The following PTGER2 variants were observed in gnomAD, a reference collection of about 807,000 sequenced individuals.
PTGER2 encodes the protein prostaglandin E receptor 2.
A neutral mutation model predicts 26.2 loss-of-function variants in PTGER2; 22 were observed. The ratio of observed to expected loss-of-function variants is 0.84; its 90% CI spans 0.60 to 1.20. The LOEUF (loss-of-function observed/expected upper bound fraction) is 1.20. Among genes scored for constraint, PTGER2 ranks in the 50% most tolerant of loss-of-function variants. The probability of loss-of-function intolerance (pLI) is 0.00; values close to 1 mark genes in which losing one functional copy is unlikely to be tolerated. For missense variants in PTGER2, 458 were observed against 475.2 expected (o/e 0.96, Z 0.34); for synonymous variants, 219 against 208.9 (o/e 1.05, Z -0.42).
At chr14:52,320,190 T>C (rs10151916) in intron 1 of PTGER2, among the ~76,000 whole-genome samples, 11,121 of 152,284 alleles carry the variant, frequency 0.073, 565 homozygotes, top group East Asian at 0.16. Flanking sequence ...TGGGGATCGA[T>C]GAGACAGTTT....
Position 52,315,210 on chromosome 14 carries a change from A to C in PTGER2, c.662A>C (p.Asn221Thr). 6.2e-7 allele frequency: 1 copy of C among 1,608,706 alleles called. No individual in the cohort carries two copies. The change falls in exon 1 of 2, where the codon AAC (asparagine) becomes ACC (threonine). Residue 221 changes from asparagine to threonine, a missense_variant. Coordinates refer to ENST00000245457, the MANE Select transcript of PTGER2 (RefSeq NM_000956.4). ...GCCTGCAACTTCAGTGTCATTCTCA[A>C]CCTCATCCGCATGCACCGCCGAAGC... is the stretch of plus-strand genomic sequence containing the variant. Reference protein sequence around the residue: ...VLACNFSVILNLIRMHRRSRR... With the variant: ...VLACNFSVILTLIRMHRRSRR...
At position 52,314,886 on chromosome 14, in the gene PTGER2, C is replaced by A; in HGVS notation, c.338C>A (p.Ala113Asp). The part of the protein sequence containing the change: ...APESRACTYF[A>D]FAMTFFSLAT... Reference sequence around the variant, plus strand: ...GAGAGCCGCGCGTGCACCTACTTCGCTTTCGCCATGACCTTCTTCAGCCTG... The same window carrying A: ...GAGAGCCGCGCGTGCACCTACTTCGATTTCGCCATGACCTTCTTCAGCCTG... The change falls in exon 1 of 2, where the codon GCT becomes GAT. Residue 113 changes from alanine (A) to aspartate (D), a missense_variant. Ala to Asp is a moderately radical substitution (Grantham distance 126, BLOSUM62 -2). Coordinates refer to ENST00000245457, the MANE Select transcript of PTGER2 (RefSeq NM_000956.4). The surrounding 1 kb of genome is among the most constrained non-coding windows in gnomAD (Gnocchi z 5.7). 1 of 1,613,046 alleles carries A rather than the reference C, an allele frequency of 6.2e-7. No individual in the cohort carries two copies.
chr14:52,327,500 AT>A lies in PTGER2; in HGVS notation c.*50del. The A allele has an allele frequency of 7.0e-7, 1 of 1,427,968 alleles. No homozygotes were observed. Among genetic ancestry groups the A allele is most frequent in the Non-Finnish European group, 9.7e-7 (1 of 1,036,166 alleles). The allele number at this position is 1,427,968 out of a possible 1,614,324, so 88.5% of individuals were successfully genotyped here. On this transcript the variant is annotated 3_prime_UTR_variant, in exon 2 of 2. Coordinates refer to ENST00000245457, the MANE Select transcript of PTGER2 (RefSeq NM_000956.4). Reference sequence around the variant, plus strand: ...TTAGTTATATAGCATCTGGAAGATCATTTTGAAATTGTTCCTTGGAGAAATG... The same window carrying A: ...TTAGTTATATAGCATCTGGAAGATCATTTGAAATTGTTCCTTGGAGAAATG...
chr14:52,321,758 A>G (rs1266178980), intron 1 of PTGER2, among the ~76,000 whole-genome samples: 1 of 152,242 alleles, frequency 6.6e-6, no homozygotes, highest in Admixed American at 6.5e-5. Context: ...TAAACAAAAT[A>G]TGCCTTATAA....
chr14:52,322,424 A>G (rs1254590), intron 1 of PTGER2, among the ~76,000 whole-genome samples: 117,590 of 152,026 alleles, frequency 0.77, 46,528 homozygotes, highest in Non-Finnish European at 0.87. Flanking sequence ...GAGTCCAACA[A>G]AGATCACAAG....
rs149240255 is a variant in PTGER2, at chr14:52,315,725, T to C, written c.843+334T>C. On this transcript the variant is annotated intron_variant, in intron 1 of 1. Transcript: ENST00000245457. ...GCTGTTGCCTATCTTGGCTTAGTAA[T>C]TGAGAAAGAGGCAGCCCCTTCCACC... is the stretch of plus-strand genomic sequence containing the variant. Among the ~76,000 whole-genome samples, 259 of 152,292 alleles carry C rather than the reference T, an allele frequency of 1.7e-3. 1 individual carries two copies. Among genetic ancestry groups the C allele is most frequent in the Middle Eastern group, 6.8e-3 (2 of 294 alleles).
chr14:52,323,410 G>A (rs140970434), intron 1 of PTGER2, among the ~76,000 whole-genome samples: 2,144 of 152,076 alleles, frequency 0.014, 48 homozygotes, highest in African/African-American at 0.049. Context: ...CCACCAACAC[G>A]CCTGGGTAAT....
At chr14:52,315,462 C>T in intron 1 of PTGER2, 71 bp downstream of exon 1, 3 of 1,564,240 alleles carry the variant, frequency 1.9e-6, no homozygotes, top group East Asian at 2.3e-5. Flanking sequence ...GACGCCTCCA[C>T]CCTTTCCACC....
At position 52,315,280 on chromosome 14, in the gene PTGER2, C is replaced by T. The variant is rs538203951; in HGVS notation, c.732C>T (p.Gly244=). The change falls in exon 1 of 2, where the codon GGC becomes GGT. Residue 244 remains glycine, a synonymous_variant. Coordinates refer to ENST00000245457, the MANE Select transcript of PTGER2 (RefSeq NM_000956.4). ...CGPSLGSGRG[G]PGARRRGERV... ...CTTCCCTGGGCAGTGGCCGGGGCGG[C>T]CCCGGGGCCCGCAGGAGAGGGGAAA... The T allele has an allele frequency of 1.2e-6, 2 of 1,612,502 alleles. No homozygotes were observed. The highest frequency in any genetic ancestry group is 1.3e-5 in the African/African-American group (1 of 74,752).
chr14:52,322,620 C>A (rs2033907633), intron 1 of PTGER2, among the ~76,000 whole-genome samples: 2 of 152,066 alleles, frequency 1.3e-5, no homozygotes, highest in South Asian at 4.1e-4. Flanking sequence ...CCCTAGTAAG[C>A]CTGAGGGTAC....
rs1444629167 is a variant in PTGER2 at position 52,314,841 on chromosome 14, C to T, written c.293C>T (p.Thr98Ile). 1.2e-6 allele frequency: 2 copies of T among 1,613,128 alleles called. No homozygotes were observed. The highest frequency in any genetic ancestry group is 1.7e-6 in the Non-Finnish European group (2 of 1,179,982). Residue 98 changes from threonine (T) to isoleucine (I), a missense_variant, in exon 1 of 2, where the codon ACC (threonine) becomes ATC (isoleucine). Transcript: ENST00000245457. This position sits in a 1 kb window ranked among gnomAD's most constrained non-coding sequence, Gnocchi z 5.7. ...VVLASYARNQ[T>I]LVALAPESRA... ...CTGGCTTCGTACGCGCGGAACCAGA[C>T]CCTGGTGGCACTGGCGCCCGAGAGC...
In PTGER2 at chr14:52,327,206, C is replaced by T; in HGVS notation, c.844-15C>T. 1 of 1,535,274 alleles carries T rather than the reference C, an allele frequency of 6.5e-7. No homozygotes were observed. Among genetic ancestry groups the T allele is most frequent in the Non-Finnish European group, 9.0e-7 (1 of 1,111,384 alleles). The stretch of plus-strand genomic sequence containing the variant: ...ATGTAAAACTAACATCATTTTTCCC[C>T]TTTGCTTCTTACAGATTTTTGCATA... On this transcript the variant is annotated splice_polypyrimidine_tract_variant and intron_variant, in intron 1 of 1. Coordinates refer to ENST00000245457, the MANE Select transcript of PTGER2 (RefSeq NM_000956.4).
At chr14:52,319,463 G>T (rs1229785584) in intron 1 of PTGER2, among the ~76,000 whole-genome samples, 1 of 152,134 alleles carries the variant, frequency 6.6e-6, no homozygotes, top group African/African-American at 2.4e-5. Flanking sequence ...CATTATTTTG[G>T]CTGCCCAGTA....
intron 1 of PTGER2, among the ~76,000 whole-genome samples, chr14:52,325,596 A>T (rs962062619): frequency 7.2e-5 from 11 of 151,936 alleles, no homozygotes; most frequent in African/African-American, 2.4e-4. Context: ...CCTCCAAATC[A>T]CTCTTTTAAC....
chr14:52,315,294 G>A lies in PTGER2; in HGVS notation c.746G>A (p.Arg249Lys), dbSNP rs199687826. The change falls in exon 1 of 2, where the codon AGG (arginine) becomes AAG (lysine). Residue 249 changes from arginine to lysine, a missense_variant. Coordinates refer to ENST00000245457, the MANE Select transcript of PTGER2 (RefSeq NM_000956.4). ...GGCCGGGGCGGCCCCGGGGCCCGCAGGAGAGGGGAAAGGGTGTCCATGGCG... is the reference window on the plus strand; with the variant it reads ...GGCCGGGGCGGCCCCGGGGCCCGCAAGAGAGGGGAAAGGGTGTCCATGGCG... Reference protein sequence around the residue: ...GSGRGGPGARRRGERVSMAEE... With the variant: ...GSGRGGPGARKRGERVSMAEE... The A allele has an allele frequency of 8.7e-6, 14 of 1,613,116 alleles. No individual in the cohort carries two copies. In the African/African-American group the frequency reaches 1.1e-4, roughly 12 times the overall value.
At chr14:52,315,504 A>G in intron 1 of PTGER2, 113 bp downstream of exon 1, 1 of 1,364,482 alleles carries the variant, frequency 7.3e-7, no homozygotes, top group Non-Finnish European at 9.9e-7. Flanking sequence ...TTGTAAAAAT[A>G]TGTCCTAATT....
chr14:52,327,193 C>G (rs1397376935), intron 1 of PTGER2, 28 bp from the exon 2 acceptor site: 3 of 1,480,688 alleles, frequency 2.0e-6, no homozygotes, highest in African/African-American at 1.4e-5. Flanking sequence ...GTAAAACTAA[C>G]ATCATTTTTC....
chr14:52,314,827 C>A lies in PTGER2; in HGVS notation c.279C>A (p.Tyr93Ter), dbSNP rs758050760. 1 of 1,613,096 alleles carries A rather than the reference C, an allele frequency of 6.2e-7. No homozygotes were observed. Among genetic ancestry groups the A allele is most frequent in the Non-Finnish European group, 8.5e-7 (1 of 1,179,966 alleles). The change falls in exon 1 of 2, where the codon TAC (tyrosine) becomes TAA (stop). Residue 93 changes from tyrosine (Y) to a stop codon, truncating the protein, a stop_gained. Transcript: ENST00000245457. LOFTEE classifies it high-confidence loss of function. The surrounding 1 kb of genome is among the most constrained non-coding windows in gnomAD (Gnocchi z 5.7). The stretch of plus-strand genomic sequence containing the variant: ...TCAGCCCAGTGGTACTGGCTTCGTA[C>A]GCGCGGAACCAGACCCTGGTGGCAC... ...CLISPVVLAS[Y>*]ARNQTLVALA...
At chr14:52,315,545 T>C (rs2033832041) in intron 1 of PTGER2, among the ~76,000 whole-genome samples, 154 bp downstream of exon 1, 2 of 152,066 alleles carry the variant, frequency 1.3e-5, no homozygotes, top group East Asian at 3.9e-4. Flanking sequence ...CCCACTAGTT[T>C]CCCCTCCTCT....
Sources: gnomAD v4.1 joint callset for allele counts (sites outside exome capture counted in the v4.1 genomes callset) on GRCh38, gnomAD v4.1.1 for gene constraint, Gnocchi (gnomAD v3.1) non-coding constraint, MANE v1.5 for transcripts, NCBI Gene and HGNC (gene_info 2026-07-23, HGNC 2026-07-21) for gene names.